HHAT: variants seen among roughly 807,000 people sequenced by gnomAD.
HHAT encodes hedgehog acyltransferase, also known as protein-cysteine N-palmitoyltransferase HHAT.
Under a neutral mutation model 70.8 loss-of-function variants are expected in HHAT, and 47 were observed. The ratio of observed to expected loss-of-function variants is 0.66; its 90% CI spans 0.53 to 0.85. HHAT has a LOEUF of 0.85. Among genes scored for constraint, HHAT ranks in the 40% least tolerant of loss-of-function variants. The pLI, the probability that HHAT is intolerant of heterozygous loss-of-function variation, is 0.00. For synonymous variants in HHAT, 228 were observed against 247.6 expected, an observed-to-expected ratio of 0.92 and a Z score of 0.74; for missense variants, 609 against 604.8, an observed-to-expected ratio of 1.01 and a Z score of -0.07.
intron 1 of HHAT, among the ~76,000 whole-genome samples, chr1:210,346,738 T>A (rs1291410381): frequency 6.6e-6 from 1 of 152,214 alleles, no homozygotes; most frequent in Non-Finnish European, 1.5e-5. Flanking sequence ...CTCCCAGTGG[T>A]CTGAAGAAAG....
intron 7 of HHAT, among the ~76,000 whole-genome samples, chr1:210,456,511 G>T (rs1011757134): frequency 1.3e-5 from 2 of 152,228 alleles, no homozygotes; most frequent in Non-Finnish European, 2.9e-5. Flanking sequence ...ACAACCAATT[G>T]TTTAGAGCAT....
At chr1:210,601,784 A>C (rs763625674) in intron 10 of HHAT, among the ~76,000 whole-genome samples, 1 of 152,180 alleles carries the variant, frequency 6.6e-6, no homozygotes, top group Non-Finnish European at 1.5e-5. Flanking sequence ...GAGCTAAGAG[A>C]TCTATAAGAC....
intron 8 of HHAT, among the ~76,000 whole-genome samples, chr1:210,507,364 T>C (rs571627443): frequency 1.4e-5 from 2 of 147,850 alleles, no homozygotes; most frequent in African/African-American, 4.9e-5. Context: ...TTTTTCTTTT[T>C]TTTTTTTTTT....
chr1:210,639,108 G>A (rs1443376594), intron 11 of HHAT, among the ~76,000 whole-genome samples: 1 of 151,986 alleles, frequency 6.6e-6, no homozygotes, highest in African/African-American at 2.4e-5. Flanking sequence ...CCGTCCATCT[G>A]TCTATTTGTC....
intron 2 of HHAT, among the ~76,000 whole-genome samples, chr1:210,354,953 T>C (rs933030807): frequency 3.9e-5 from 6 of 152,186 alleles, no homozygotes; most frequent in African/African-American, 1.4e-4. Flanking sequence ...TGTGTCTTTC[T>C]ATCCAATAAT....
intron 6 of HHAT, among the ~76,000 whole-genome samples, chr1:210,407,710 G>A (rs1025134683): frequency 1.3e-5 from 2 of 152,146 alleles, no homozygotes; most frequent in African/African-American, 4.8e-5. Flanking sequence ...TTTCTCTCAC[G>A]TTTCTGTGGA....
intron 11 of HHAT, among the ~76,000 whole-genome samples, chr1:210,673,113 A>T (rs184677807): frequency 5.7e-4 from 87 of 152,338 alleles, no homozygotes; most frequent in African/African-American, 2.0e-3. Flanking sequence ...TGCCCCAATC[A>T]AATGACCCTC....
intron 6 of HHAT, among the ~76,000 whole-genome samples, chr1:210,414,309 T>TG (rs1481796466): frequency 4.6e-5 from 7 of 152,138 alleles, no homozygotes; most frequent in Non-Finnish European, 7.4e-5. Flanking sequence ...ACCGTCTCTT[T>TG]GGGGGTTAGG....
chr1:210,650,880 C>T (rs1196083892), intron 11 of HHAT, among the ~76,000 whole-genome samples: 2 of 152,056 alleles, frequency 1.3e-5, no homozygotes, highest in Non-Finnish European at 2.9e-5. Context: ...CTTAGTTTGT[C>T]CATGAGGGGC....
intron 11 of HHAT, among the ~76,000 whole-genome samples, chr1:210,668,473 G>T (rs1054230711): frequency 2.0e-5 from 3 of 152,212 alleles, no homozygotes; most frequent in Non-Finnish European, 2.9e-5. Context: ...CATGAGAACT[G>T]ATGGTTTTAT....
At chr1:210,402,753 A>G (rs912105919) in intron 5 of HHAT, among the ~76,000 whole-genome samples, 1 of 152,154 alleles carries the variant, frequency 6.6e-6, no homozygotes, top group Non-Finnish European at 1.5e-5. Context: ...TCTTTCTTCA[A>G]TCACTGTGGG....
At chr1:210,371,990 C>G (rs1413986195) in intron 3 of HHAT, among the ~76,000 whole-genome samples, 1 of 152,198 alleles carries the variant, frequency 6.6e-6, no homozygotes, top group African/African-American at 2.4e-5. Flanking sequence ...GCTTTCTGAT[C>G]TGGGTTGTGA....
At chr1:210,579,576 T>A (rs1329383272) in intron 9 of HHAT, among the ~76,000 whole-genome samples, 1 of 152,224 alleles carries the variant, frequency 6.6e-6, no homozygotes, top group Non-Finnish European at 1.5e-5. Context: ...CAGCACCTCA[T>A]ACTCAAAGAA....
chr1:210,440,978 C>T (rs1232886811), intron 7 of HHAT, among the ~76,000 whole-genome samples: 1 of 152,230 alleles, frequency 6.6e-6, no homozygotes, highest in Non-Finnish European at 1.5e-5. Context: ...TCACAGGGCT[C>T]TGAACTCAGA....
chr1:210,601,425 G>A (rs1025458004), intron 10 of HHAT, among the ~76,000 whole-genome samples: 3 of 152,068 alleles, frequency 2.0e-5, no homozygotes, highest in Admixed American at 6.6e-5. Flanking sequence ...AATGGCTCAT[G>A]GCCTTCTATT....
chr1:210,407,507 A>G (rs918104453), intron 6 of HHAT, among the ~76,000 whole-genome samples: 1 of 152,242 alleles, frequency 6.6e-6, no homozygotes, highest in Non-Finnish European at 1.5e-5. Context: ...TTAGGCATAC[A>G]CCTGGAGAAT....
chr1:210,513,326 TA>T, intron 9 of HHAT, 138 bp downstream of exon 9: 1 of 521,622 alleles, frequency 1.9e-6, no homozygotes, highest in Non-Finnish European at 3.4e-6. Context: ...TTGCTAACAC[TA>T]TGGTTTTTTC....
intron 11 of HHAT, among the ~76,000 whole-genome samples, chr1:210,662,207 C>G (rs979431652): frequency 6.6e-6 from 1 of 152,098 alleles, no homozygotes; most frequent in South Asian, 2.1e-4. Flanking sequence ...CGTGGTGGCC[C>G]CAGAGTTTGC....
chr1:210,567,435 AT>A lies in HHAT; in HGVS notation c.1044-20461del, dbSNP rs1319059409. On this transcript the variant is annotated intron_variant, in intron 9 of 11. Coordinates refer to ENST00000261458, the MANE Select transcript of HHAT (RefSeq NM_018194.6). ...GAAATTTCCCAGAGTAGTTTCATAAATTGAGTAATACCTGTAAAATGTTCAG... is the reference window on the plus strand; with the variant it reads ...GAAATTTCCCAGAGTAGTTTCATAAATGAGTAATACCTGTAAAATGTTCAG... Among the ~76,000 whole-genome samples, 5 of 152,316 alleles carry A rather than the reference AT, an allele frequency of 3.3e-5. No homozygotes were observed. In the East Asian group the frequency reaches 9.6e-4, roughly 29 times the overall value.
Sources: allele counts gnomAD v4.1 joint callset (sites outside exome capture counted in the v4.1 genomes callset), GRCh38; gene constraint gnomAD v4.1.1; transcripts MANE v1.5; gene names NCBI Gene and HGNC (gene_info 2026-07-23, HGNC 2026-07-21).